The following ADRA1A variants were observed in gnomAD, a reference collection of about 807,000 sequenced individuals.
ADRA1A encodes alpha-1A adrenergic receptor.
In ADRA1A, 31 loss-of-function variants were observed where a neutral mutation model predicts 29.6. The observed-to-expected ratio is 1.05, with a 90% CI of 0.79 to 1.41. ADRA1A has a LOEUF of 1.41. ADRA1A is among the 40% of genes most tolerant of loss of function. The pLI is 0.00. For missense variants in ADRA1A, 619 were observed against 601.1 expected (o/e 1.03, Z -0.31); for synonymous variants, 311 against 254.3 (o/e 1.22, Z -2.12).
chr8:26,774,798 A>G (rs1405294386), intron 2 of ADRA1A, among the ~76,000 whole-genome samples: 1 of 152,164 alleles, frequency 6.6e-6, no homozygotes, highest in African/African-American at 2.4e-5. Flanking sequence ...CTTGGAAAGC[A>G]GCTGCATGGC....
Position 26,848,783 on chromosome 8 carries a change from G to C in ADRA1A, c.883+15304C>G, listed in dbSNP as rs1035975032. On this transcript the variant is annotated intron_variant, in intron 2 of 2. Transcript: ENST00000380573. This position sits in a 1 kb window ranked among gnomAD's most constrained non-coding sequence, Gnocchi z 4.3. ...CTTGTGATCACAGCCACAAGGGAAA[G>C]CTCAGCTTACTGAACTGTGTAGGGA... Among the ~76,000 whole-genome samples the C allele has an allele frequency of 1.3e-5, 2 of 152,206 alleles. No homozygotes were observed. The highest frequency in any genetic ancestry group is 2.4e-5 in the African/African-American group (1 of 41,454).
rs1054534226 is a variant in ADRA1A at position 26,806,454 on chromosome 8, A to T, written c.884-35788T>A. On this transcript the variant is annotated intron_variant, in intron 2 of 2. Transcript: ENST00000380573. This position sits in a 1 kb window ranked among gnomAD's most constrained non-coding sequence, Gnocchi z 4.6. ...TCAAGTTTTCTGTGGCCTCTGGCTC[A>T]GTTGAAATGGAATGTAAGTGCAATG... Among the ~76,000 whole-genome samples the T allele has an allele frequency of 2.0e-5, 3 of 152,172 alleles. No individual in the cohort carries two copies. The highest frequency in any genetic ancestry group is 7.2e-5 in the African/African-American group (3 of 41,438).
chr8:26,756,337 G>GCCATTGCCATTTA, downstream of ADRA1A: 2 of 850,406 alleles, frequency 2.4e-6, no homozygotes, highest in Non-Finnish European at 3.2e-6. Flanking sequence ...ACCCATAAAA[G>GCCATTGCCATTTA]TTCCCCTTTT....
intron 2 of ADRA1A, among the ~76,000 whole-genome samples, chr8:26,751,136 G>T (rs1277495867): frequency 6.6e-6 from 1 of 151,602 alleles, no homozygotes; most frequent in Non-Finnish European, 1.5e-5. Flanking sequence ...TACAGTTTCT[G>T]CAAATGAGGC....
rs1813789382 is a variant in ADRA1A at position 26,864,909 on chromosome 8, C to T, written c.61G>A (p.Val21Met). 6.2e-7 allele frequency: 1 copy of T among 1,613,752 alleles called. No individual in the cohort carries two copies. The highest frequency in any genetic ancestry group is 2.2e-5 in the East Asian group (1 of 44,856). ...AGCAGAATGGCCTTGGAAATGTTCA[C>T]CGGTGCCGGCGGTTGGGTGCAGTTG... ...SSNCTQPPAP[V>M]NISKAILLGV... is the part of the protein sequence containing the mutation. The change falls in exon 2 of 3, where the codon GTG becomes ATG. Residue 21 changes from valine (V) to methionine (M), a missense_variant. By Grantham distance (21) the Val-to-Met change is conservative. Transcript: ENST00000380573. This position sits in a 1 kb window ranked among gnomAD's most constrained non-coding sequence, Gnocchi z 8.1.
chr8:26,768,625 A>C (rs1262539989), downstream of ADRA1A, among the ~76,000 whole-genome samples: 1 of 152,234 alleles, frequency 6.6e-6, no homozygotes, highest in Non-Finnish European at 1.5e-5. Flanking sequence ...AAAATATTGT[A>C]TAAAATTACC....
At chr8:26,782,179 A>T (rs975638360) in intron 2 of ADRA1A, among the ~76,000 whole-genome samples, 4 of 152,178 alleles carry the variant, frequency 2.6e-5, no homozygotes, top group Non-Finnish European at 5.9e-5. Flanking sequence ...TAAGCTAGGG[A>T]TGAAGATTGG....
At chr8:26,826,614 T>A (rs967835868) in intron 2 of ADRA1A, among the ~76,000 whole-genome samples, 1 of 152,224 alleles carries the variant, frequency 6.6e-6, no homozygotes, top group African/African-American at 2.4e-5. Context: ...TGTCTGTGCT[T>A]ACCTCCCAGT....
intron 2 of ADRA1A, among the ~76,000 whole-genome samples, chr8:26,776,884 G>T (rs770541125): frequency 6.6e-6 from 1 of 152,156 alleles, no homozygotes; most frequent in Non-Finnish European, 1.5e-5. Flanking sequence ...ATCTTTAATT[G>T]TTTCTCCTTG....
At chr8:26,804,642 C>T (rs1585725487) in intron 2 of ADRA1A, among the ~76,000 whole-genome samples, 2 of 152,128 alleles carry the variant, frequency 1.3e-5, no homozygotes, top group South Asian at 2.1e-4. Context: ...ACTTATCTGA[C>T]ATATATCACT....
chr8:26,846,842 G>A lies in ADRA1A; in HGVS notation c.883+17245C>T, dbSNP rs190223677. 2.8e-3 allele frequency among the ~76,000 whole-genome samples: 419 copies of A among 152,230 alleles called. 1 individual carries two copies. The highest frequency in any genetic ancestry group is 4.0e-3 in the Non-Finnish European group (272 of 68,012). On this transcript the variant is annotated intron_variant, in intron 2 of 2. Coordinates refer to ENST00000380573, the MANE Select transcript of ADRA1A (RefSeq NM_000680.4). ...CCCAAATGTCCAACAATGATAGACT[G>A]GATTAAGAAAATATGGCACATATAC...
At chr8:26,837,211 T>C (rs1811443075) in intron 2 of ADRA1A, among the ~76,000 whole-genome samples, 2 of 152,220 alleles carry the variant, frequency 1.3e-5, no homozygotes, top group Non-Finnish European at 2.9e-5. Context: ...TTCAGGCTTT[T>C]TAAAAAAGCT....
rs1406610294 is a variant in ADRA1A at position 26,864,243 on chromosome 8, C to T, written c.727G>A (p.Ala243Thr). The T allele has an allele frequency of 1.9e-6, 3 of 1,614,212 alleles. No individual in the cohort carries two copies. Among genetic ancestry groups the T allele is most frequent in the Non-Finnish European group, 2.5e-6 (3 of 1,180,044 alleles). The change falls in exon 2 of 3, where the codon GCA (alanine) becomes ACA (threonine). Residue 243 changes from alanine (A) to threonine (T), a missense_variant. Transcript: ENST00000380573. The surrounding 1 kb of genome is among the most constrained non-coding windows in gnomAD (Gnocchi z 8.1). ...GCGCTGGCCATCCCGCTGCCTCCTG[C>T]CGGGGCGTTTTTCCGATGGATGCGG... ...TLRIHRKNAP[A>T]GGSGMASAKT... is the part of the protein sequence containing the mutation.
intron 2 of ADRA1A, among the ~76,000 whole-genome samples, chr8:26,786,713 C>T (rs1288888923): frequency 1.3e-5 from 2 of 150,102 alleles, no homozygotes; most frequent in African/African-American, 5.0e-5. Flanking sequence ...CCCCTTCCAC[C>T]CATCCATATA....
chr8:26,864,820 G>T lies in ADRA1A; in HGVS notation c.150C>A (p.Ser50=). The T allele has an allele frequency of 6.2e-7, 1 of 1,614,142 alleles. No individual in the cohort carries two copies. The highest frequency in any genetic ancestry group is 8.5e-7 in the Non-Finnish European group (1 of 1,180,034). Residue 50 remains serine, a synonymous_variant, in exon 2 of 3, where the codon TCC becomes TCA. Transcript: ENST00000380573. This position sits in a 1 kb window ranked among gnomAD's most constrained non-coding sequence, Gnocchi z 8.1. The part of the protein sequence containing the change: ...GVLGNILVIL[S]VACHRHLHSV... ...AGTGCAGGTGTCGGTGACAGGCTAC[G>T]GAGAGGATCACTAGGATGTTACCCA... is the stretch of plus-strand genomic sequence containing the variant.
Position 26,865,249 on chromosome 8 carries a change from CG to C in ADRA1A, c.-281del. The C allele has an allele frequency of 7.8e-7, 1 of 1,282,774 alleles. No homozygotes were observed. Among genetic ancestry groups the C allele is most frequent in the Non-Finnish European group, 9.9e-7 (1 of 1,014,240 alleles). The allele number at this position is 1,282,774 out of a possible 1,614,324, so 79.5% of individuals were successfully genotyped here. A position where few individuals can be genotyped will look rare whatever the true frequency, so the allele number is the denominator to read the frequency against. On this transcript the variant is annotated 5_prime_UTR_variant, in exon 2 of 3. Transcript: ENST00000380573. This position sits in a 1 kb window ranked among gnomAD's most constrained non-coding sequence, Gnocchi z 7.6. ...CTCCACCTGCCGGGCTGGCCTAGCC[CG>C]GGACCCGGACTCCCTCCCTACCCGA...
At chr8:26,819,484 GT>G (rs1322791691) in intron 2 of ADRA1A, among the ~76,000 whole-genome samples, 1 of 152,152 alleles carries the variant, frequency 6.6e-6, no homozygotes, top group East Asian at 1.9e-4. Flanking sequence ...AATCAAACGT[GT>G]GTTGGGGGAG....
chr8:26,854,395 C>CA (rs79637073), intron 2 of ADRA1A: 20,454 of 100,654 alleles, frequency 0.2, 1,859 homozygotes, highest in Middle Eastern at 0.31. Flanking sequence ...ATGTCTGGAA[C>CA]AAAAAAATGC....
At chr8:26,850,023 T>G (rs1373131107) in intron 2 of ADRA1A, among the ~76,000 whole-genome samples, 1 of 19,982 alleles carries the variant, frequency 5.0e-5, no homozygotes, top group African/African-American at 2.8e-4. Context: ...GAGAGAGAAA[T>G]GCAAAAACAA....
Sources: allele counts gnomAD v4.1 joint callset (sites outside exome capture counted in the v4.1 genomes callset), GRCh38; gene constraint gnomAD v4.1.1; non-coding constraint Gnocchi (gnomAD v3.1); transcripts MANE v1.5; gene names NCBI Gene and HGNC (gene_info 2026-07-23, HGNC 2026-07-21).